The following SLC15A1 variants were observed in gnomAD, a reference collection of about 807,000 sequenced individuals.
The protein encoded by SLC15A1 is Caco-2 oligopeptide transporter.
In SLC15A1, 83 loss-of-function variants were observed where a neutral mutation model predicts 92.9. That is an observed-to-expected ratio of 0.89 (90% CI 0.75 to 1.07). The LOEUF is 1.07. SLC15A1 is among the 50% of genes least tolerant of loss of function. The pLI is 0.00. For synonymous variants in SLC15A1, 322 were observed against 318.2 expected, an observed-to-expected ratio of 1.01 and a Z score of -0.13; for missense variants, 857 against 880.1, an observed-to-expected ratio of 0.97 and a Z score of 0.33.
At position 98,684,371 on chromosome 13, in the gene SLC15A1, C is replaced by T. The variant is rs2087912291; in HGVS notation, c.*353G>A. The T allele has an allele frequency of 5.8e-6, 1 of 172,036 alleles. No individual in the cohort carries two copies. The highest frequency in any genetic ancestry group is 1.3e-5 in the Non-Finnish European group (1 of 79,970). 10.7% of individuals were successfully genotyped at this position (172,036 alleles called of 1,614,324 possible). ...GACCATCCTGGCCAACATGGTGAAA[C>T]CCCATCTCTACTAAAAATACAAAAA... On this transcript the variant is annotated 3_prime_UTR_variant, in exon 23 of 23. Transcript: ENST00000376503.
chr13:98,703,539 CTTTTTTTTTTTTTTTT>C (rs771426478), intron 17 of SLC15A1, among the ~76,000 whole-genome samples: 65 of 85,548 alleles, frequency 7.6e-4, no homozygotes, highest in Middle Eastern at 7.5e-3. Flanking sequence ...GCTGCTGCTG[CTTTTTTTTTTTTTTTT>C]TTTTTTTTTT....
chr13:98,718,300 C>CT lies in SLC15A1; in HGVS notation c.640+936dup, dbSNP rs532286337. ...ATCCAGCAGATTCTATCACCTTCATCTTTTTTTTTTTTTTTTTTTTTTTTT... is the reference window on the plus strand; with the variant it reads ...ATCCAGCAGATTCTATCACCTTCATCTTTTTTTTTTTTTTTTTTTTTTTTTT... On this transcript the variant is annotated intron_variant, in intron 8 of 22. Transcript: ENST00000376503. 3.9e-3 allele frequency among the ~76,000 whole-genome samples: 329 copies of CT among 84,102 alleles called. 40 individuals are homozygous for CT. The highest frequency in any genetic ancestry group is 9.6e-3 in the African/African-American group (140 of 14,644). The allele number at this position is 84,102 out of a possible 152,430, so 55.2% of individuals were successfully genotyped here.
chr13:98,724,148 T>G (rs752268176), intron 4 of SLC15A1, 117 bp from the exon 5 acceptor site: 576 of 1,279,646 alleles, frequency 4.5e-4, no homozygotes, highest in Non-Finnish European at 5.8e-4. Flanking sequence ...CTGAATACAC[T>G]TATTTCTCAA....
chr13:98,698,592 C>T (rs1268672958), intron 18 of SLC15A1, among the ~76,000 whole-genome samples: 1 of 152,072 alleles, frequency 6.6e-6, no homozygotes, highest in Non-Finnish European at 1.5e-5. Context: ...CAGGCACATG[C>T]ACCATGCCTA....
At chr13:98,736,324 T>C (rs889820417) in intron 1 of SLC15A1, among the ~76,000 whole-genome samples, 6 of 152,298 alleles carry the variant, frequency 3.9e-5, no homozygotes, top group African/African-American at 1.4e-4. Context: ...TCCTTACACC[T>C]TATACAAAAA....
chr13:98,752,554 C>G (rs758199526), intron 1 of SLC15A1, 41 bp downstream of exon 1: 3 of 1,276,932 alleles, frequency 2.3e-6, no homozygotes, highest in Admixed American at 7.6e-5. Flanking sequence ...CGCGTAGCTC[C>G]GAGTCTTTAG....
chr13:98,715,458 C>G (rs1183371152), intron 9 of SLC15A1, among the ~76,000 whole-genome samples: 2 of 152,198 alleles, frequency 1.3e-5, no homozygotes, highest in Non-Finnish European at 1.5e-5. Context: ...CGGGCATGAG[C>G]CACAGTGCCT....
At chr13:98,701,636 G>T (rs1335202887) in intron 18 of SLC15A1, among the ~76,000 whole-genome samples, 3 of 150,500 alleles carry the variant, frequency 2.0e-5, no homozygotes, top group Non-Finnish European at 4.4e-5. Context: ...GAGTGGCTGG[G>T]ATTACAGGCA....
rs1464437887 is a variant in SLC15A1 at position 98,713,779 on chromosome 13, G to C, written c.724-1195C>G. ...GGCAGTAAGTTGGCCAGGCGCAGTG[G>C]CTCACACCTGTAATCCCAGCACTTC... On this transcript the variant is annotated intron_variant, in intron 9 of 22. Coordinates refer to ENST00000376503, the MANE Select transcript of SLC15A1 (RefSeq NM_005073.4). Among the ~76,000 whole-genome samples the C allele has an allele frequency of 2.6e-5, 4 of 152,200 alleles. No individual in the cohort carries two copies. In the East Asian group the frequency reaches 7.7e-4, roughly 29 times the overall value.
chr13:98,708,825 AACCCCC>A, intron 14 of SLC15A1, 58 bp from the exon 15 acceptor site: 6 of 1,330,408 alleles, frequency 4.5e-6, no homozygotes, highest in Non-Finnish European at 6.2e-6. Flanking sequence ...AGCTAAGCTA[AACCCCC>A]ACCCCCACCA....
rs140473280 is a variant in SLC15A1, at chr13:98,697,108, T to G, written c.1466+5372A>C. On this transcript the variant is annotated intron_variant, in intron 18 of 22. Coordinates refer to ENST00000376503, the MANE Select transcript of SLC15A1 (RefSeq NM_005073.4). ...TCTTGCTCTGTCACCCAGGCTGGAGTGCAGTGCCGCGATCTTGGCTCACTG... is the reference window on the plus strand; with the variant it reads ...TCTTGCTCTGTCACCCAGGCTGGAGGGCAGTGCCGCGATCTTGGCTCACTG... Among the ~76,000 whole-genome samples, 139 of 152,212 alleles carry G rather than the reference T, an allele frequency of 9.1e-4. 4 individuals are homozygous for G. The East Asian group carries it at 0.022, about 24-fold the overall frequency.
chr13:98,704,525 G>T, intron 16 of SLC15A1, 90 bp from the exon 17 acceptor site: 1 of 1,313,954 alleles, frequency 7.6e-7, no homozygotes. Context: ...CTGATATTCT[G>T]CATTTCCAGG....
chr13:98,726,290 G>A (rs748313795), intron 3 of SLC15A1, 26 bp from the exon 4 acceptor site: 1 of 1,613,812 alleles, frequency 6.2e-7, no homozygotes, highest in Admixed American at 1.7e-5. Flanking sequence ...GGTGGAAGAG[G>A]AGGGGGAAAC....
At chr13:98,685,991 A>T (rs1382192686) in intron 22 of SLC15A1, among the ~76,000 whole-genome samples, 199 bp downstream of exon 22, 2 of 148,874 alleles carry the variant, frequency 1.3e-5, no homozygotes, top group Admixed American at 1.3e-4. Flanking sequence ...TCTCAAAAAA[A>T]AAAAAAAAGA....
intron 2 of SLC15A1, 29 bp from the exon 3 acceptor site, chr13:98,726,478 G>C: frequency 6.3e-7 from 1 of 1,596,006 alleles, no homozygotes; most frequent in Non-Finnish European, 8.6e-7. Context: ...GCACAGGATT[G>C]AAATACACCC....
At chr13:98,695,450 T>C (rs2088014450) in intron 18 of SLC15A1, among the ~76,000 whole-genome samples, 1 of 152,146 alleles carries the variant, frequency 6.6e-6, no homozygotes, top group Admixed American at 6.6e-5. Flanking sequence ...TGGAGTGCAA[T>C]GGTGCAATCT....
chr13:98,686,126 G>T lies in SLC15A1; in HGVS notation c.1935+64C>A, dbSNP rs924030809. 5.8e-6 allele frequency: 7 copies of T among 1,216,638 alleles called. No homozygotes were observed. In the African/African-American group the frequency reaches 1.0e-4, roughly 18 times the overall value. The allele number at this position is 1,216,638 out of a possible 1,614,324, so 75.4% of individuals were successfully genotyped here. ...CAGAGCACACAGATGGCTAGGGAAG[G>T]CCACCATGATGACCATGAACAGGAA... On this transcript the variant is annotated intron_variant, in intron 22 of 22. Transcript: ENST00000376503.
intron 18 of SLC15A1, among the ~76,000 whole-genome samples, chr13:98,700,419 A>G (rs1187566117): frequency 7.6e-6 from 1 of 131,814 alleles, no homozygotes; most frequent in East Asian, 2.6e-4. Flanking sequence ...CAGGAGGATG[A>G]GGCTGCAGTG....
Position 98,752,666 on chromosome 13 carries a change from A to T in SLC15A1, c.-68T>A. 1 of 1,232,486 alleles carries T rather than the reference A, an allele frequency of 8.1e-7. No individual in the cohort carries two copies. 76.3% of individuals were successfully genotyped at this position (1,232,486 alleles called of 1,614,324 possible). Reference sequence around the variant, plus strand: ...GCTCCTGGCAGGTGCTACTCCTCCGACCTGACGTCCAGGCCCGGCCCCGTT... The same window carrying T: ...GCTCCTGGCAGGTGCTACTCCTCCGTCCTGACGTCCAGGCCCGGCCCCGTT... On this transcript the variant is annotated 5_prime_UTR_variant, in exon 1 of 23. Transcript: ENST00000376503.
Sources: gnomAD v4.1 joint callset for allele counts (sites outside exome capture counted in the v4.1 genomes callset) on GRCh38, gnomAD v4.1.1 for gene constraint, MANE v1.5 for transcripts, NCBI Gene and HGNC (gene_info 2026-07-23, HGNC 2026-07-21) for gene names.